SEMA5B: variants seen among roughly 807,000 people sequenced by gnomAD.
The protein encoded by SEMA5B is semaphorin-5B.
A neutral mutation model predicts 135.0 loss-of-function variants in SEMA5B; 66 were observed. The ratio of observed to expected loss-of-function variants is 0.49; its 90% CI spans 0.40 to 0.60. SEMA5B has a LOEUF of 0.60. Among genes scored for constraint, SEMA5B ranks in the 20% least tolerant of loss-of-function variants. The pLI, the probability that SEMA5B is intolerant of heterozygous loss-of-function variation, is 0.00. For missense variants in SEMA5B, 1,501 were observed against 1,566.3 expected (o/e 0.96, Z 0.70); for synonymous variants, 690 against 639.5 (o/e 1.08, Z -1.19).
intron 17 of SEMA5B, 35 bp from the exon 18 acceptor site, chr3:122,913,096 C>T (rs1384705335): frequency 2.1e-6 from 3 of 1,419,404 alleles, no homozygotes; most frequent in Non-Finnish European, 2.7e-6. Context: ...ACTGGGCGCC[C>T]GGCCACCCCG....
intron 5 of SEMA5B, among the ~76,000 whole-genome samples, chr3:122,937,589 G>T (rs748813114): frequency 3.9e-5 from 6 of 152,186 alleles, no homozygotes; most frequent in Non-Finnish European, 7.3e-5. Context: ...AGTTCCTGGT[G>T]CTTTGGGGGC....
Position 122,953,114 on chromosome 3 carries a change from A to T in SEMA5B, c.125-4405T>A, listed in dbSNP as rs145726995. On this transcript the variant is annotated intron_variant, in intron 2 of 22. Coordinates refer to ENST00000357599, the MANE Select transcript of SEMA5B (RefSeq NM_001031702.4). ...ACACCTCATTAGGGATACTCAATGC[A>T]TATGCAAATAACAGCTTTTTAGCCC... 2.7e-3 allele frequency among the ~76,000 whole-genome samples: 417 copies of T among 152,292 alleles called. 2 individuals are homozygous for T. Among genetic ancestry groups the T allele is most frequent in the Middle Eastern group, 6.8e-3 (2 of 294 alleles).
intron 2 of SEMA5B, among the ~76,000 whole-genome samples, chr3:122,952,535 G>A (rs191450836): frequency 6.6e-6 from 1 of 152,348 alleles, no homozygotes; most frequent in East Asian, 1.9e-4. Flanking sequence ...GCAGTTGTGA[G>A]GAGGAAAGGA....
chr3:122,999,854 A>G (rs960892436), intron 1 of SEMA5B, among the ~76,000 whole-genome samples: 1 of 152,214 alleles, frequency 6.6e-6, no homozygotes, highest in African/African-American at 2.4e-5. Flanking sequence ...ACAAACATCC[A>G]CAACAGCTAT....
intron 1 of SEMA5B, among the ~76,000 whole-genome samples, chr3:122,974,105 C>A (rs571682663): frequency 7.3e-4 from 111 of 152,328 alleles, no homozygotes; most frequent in African/African-American, 2.6e-3. Context: ...CACCACCCCC[C>A]ATCTGCTCCC....
intron 14 of SEMA5B, 37 bp from the exon 15 acceptor site, chr3:122,914,038 C>G: frequency 3.3e-6 from 5 of 1,533,076 alleles, no homozygotes; most frequent in Non-Finnish European, 4.4e-6. Flanking sequence ...AGATGCCCCT[C>G]TGAGCCCTAG....
At chr3:123,014,688 G>T (rs1328573305) in intron 1 of SEMA5B, among the ~76,000 whole-genome samples, 1 of 152,212 alleles carries the variant, frequency 6.6e-6, no homozygotes, top group African/African-American at 2.4e-5. Context: ...TAGCACATAC[G>T]TTGGCTGACA....
Position 122,927,896 on chromosome 3 carries a change from A to G in SEMA5B, c.744T>C (p.Tyr248=), listed in dbSNP as rs1332744148. The change falls in exon 8 of 23, where the codon TAT becomes TAC. Residue 248 remains tyrosine (Y), a synonymous_variant. Transcript: ENST00000357599. ...CTGAGAAGTCGATGACCGTGGCTGC[A>G]TAGAGCTCCCCCTGGGAGGAGATGA... The part of the protein sequence containing the change: ...TAVISSQGEL[Y]AATVIDFSGR... The G allele has an allele frequency of 1.9e-6, 3 of 1,596,672 alleles. No individual in the cohort carries two copies. Among genetic ancestry groups the G allele is most frequent in the Non-Finnish European group, 2.6e-6 (3 of 1,171,018 alleles).
intron 1 of SEMA5B, among the ~76,000 whole-genome samples, chr3:122,976,975 G>A (rs1331128709): frequency 1.3e-5 from 2 of 152,314 alleles, no homozygotes; most frequent in Admixed American, 6.5e-5. Flanking sequence ...ACTTGAACCG[G>A]GGAGGTGGAG....
At chr3:123,018,643 C>G (rs575062666) in intron 1 of SEMA5B, among the ~76,000 whole-genome samples, 3 of 152,178 alleles carry the variant, frequency 2.0e-5, no homozygotes, top group Admixed American at 2.0e-4. Context: ...TCTGATGAAG[C>G]CTATGCACAA....
chr3:122,928,921 G>A, intron 6 of SEMA5B, 75 bp downstream of exon 6: 5 of 1,453,566 alleles, frequency 3.4e-6, no homozygotes, highest in Non-Finnish European at 3.8e-6. Flanking sequence ...AGTCCACACA[G>A]TGCTGCTCCA....
intron 1 of SEMA5B, among the ~76,000 whole-genome samples, chr3:122,989,805 T>C (rs568657889): frequency 4.6e-5 from 7 of 152,268 alleles, no homozygotes; most frequent in Non-Finnish European, 5.9e-5. Context: ...GAAAATTGGT[T>C]CCCTGGGGGA....
intron 12 of SEMA5B, 119 bp downstream of exon 12, chr3:122,921,796 C>T (rs957283716): frequency 5.3e-6 from 4 of 759,564 alleles, no homozygotes; most frequent in Non-Finnish European, 8.1e-6. Flanking sequence ...AGTGACTTGT[C>T]CTAAGGCACA....
intron 1 of SEMA5B, among the ~76,000 whole-genome samples, chr3:122,966,695 C>T (rs1392111757): frequency 6.7e-6 from 1 of 150,314 alleles, no homozygotes; most frequent in African/African-American, 2.4e-5. Flanking sequence ...GCTGGGACTA[C>T]AGGCCCCCGC....
intron 12 of SEMA5B, among the ~76,000 whole-genome samples, chr3:122,920,372 G>C (rs1938287883): frequency 3.9e-5 from 6 of 152,172 alleles, no homozygotes; most frequent in Admixed American, 3.9e-4. Flanking sequence ...GAGACACTGG[G>C]TTTGCCTTTA....
Position 122,996,149 on chromosome 3 carries a change from G to A in SEMA5B, c.-39+31315C>T, listed in dbSNP as rs942699422. On this transcript the variant is annotated intron_variant, in intron 1 of 22. Transcript: ENST00000357599. Reference sequence around the variant, plus strand: ...CCAGCTGGAGGGCGAAGCCTAAGAGGGTCCCAAGGGAGGGGGCAGCTCTTC... The same window carrying A: ...CCAGCTGGAGGGCGAAGCCTAAGAGAGTCCCAAGGGAGGGGGCAGCTCTTC... Among the ~76,000 whole-genome samples, 7 of 152,358 alleles carry A rather than the reference G, an allele frequency of 4.6e-5. No homozygotes were observed. In the South Asian group the frequency reaches 6.2e-4, roughly 14 times the overall value.
intron 1 of SEMA5B, among the ~76,000 whole-genome samples, chr3:122,973,009 G>C (rs1383011750): frequency 1.3e-5 from 2 of 152,136 alleles, no homozygotes; most frequent in African/African-American, 4.8e-5. Flanking sequence ...TGGAAACTGT[G>C]GGAGAACCCC....
chr3:122,940,443 T>G (rs906842306), intron 4 of SEMA5B, among the ~76,000 whole-genome samples: 1 of 152,230 alleles, frequency 6.6e-6, no homozygotes, highest in South Asian at 2.1e-4. Context: ...AAAGGCTCTG[T>G]TCATGCTGAA....
chr3:122,927,212 G>A (rs904842553), intron 8 of SEMA5B, among the ~76,000 whole-genome samples: 13 of 152,118 alleles, frequency 8.5e-5, no homozygotes, highest in African/African-American at 3.1e-4. Flanking sequence ...TAAGAGGCTG[G>A]CTCTTGCTCT....
Sources: gnomAD v4.1 joint callset for allele counts (sites outside exome capture counted in the v4.1 genomes callset) on GRCh38, gnomAD v4.1.1 for gene constraint, MANE v1.5 for transcripts, NCBI Gene and HGNC (gene_info 2026-07-23, HGNC 2026-07-21) for gene names.